The following SEMA3D variants were observed in gnomAD, a reference collection of about 807,000 sequenced individuals.
SEMA3D encodes the protein semaphorin 3D.
Under a neutral mutation model 100.1 loss-of-function variants are expected in SEMA3D, and 84 were observed. The observed-to-expected ratio is 0.84, with a 90% CI of 0.70 to 1.01. The LOEUF (loss-of-function observed/expected upper bound fraction) is 1.01. Ranked by LOEUF, SEMA3D falls within the 50% of genes least tolerant of loss-of-function variation. SEMA3D has a pLI of 0.00. For synonymous variants in SEMA3D, 312 were observed against 320.7 expected (o/e 0.97, Z 0.29); for missense variants, 875 against 934.1 (o/e 0.94, Z 0.82).
At chr7:85,091,698 C>T (rs112313338) in intron 4 of SEMA3D, among the ~76,000 whole-genome samples, 26 of 151,830 alleles carry the variant, frequency 1.7e-4, no homozygotes, top group African/African-American at 6.3e-4. Flanking sequence ...GTTTAGAAAC[C>T]GTGGGTCCTT....
intron 4 of SEMA3D, among the ~76,000 whole-genome samples, chr7:85,089,965 C>T (rs1562813493): frequency 6.6e-6 from 1 of 152,024 alleles, no homozygotes; most frequent in African/African-American, 2.4e-5. Context: ...ATATACCATA[C>T]AAATTAATAT....
intron 18 of SEMA3D, among the ~76,000 whole-genome samples, chr7:85,001,390 C>A (rs1789650579): frequency 6.6e-6 from 1 of 152,140 alleles, no homozygotes; most frequent in Non-Finnish European, 1.5e-5. Context: ...TATTGTAATA[C>A]AAACTAACTT....
At chr7:85,001,396 A>G (rs1789650744) in intron 18 of SEMA3D, among the ~76,000 whole-genome samples, 2 of 152,212 alleles carry the variant, frequency 1.3e-5, no homozygotes, top group African/African-American at 4.8e-5. Flanking sequence ...AATACAAACT[A>G]ACTTTGAATT....
At chr7:85,113,967 T>C (rs1233759507) in intron 3 of SEMA3D, among the ~76,000 whole-genome samples, 2 of 152,092 alleles carry the variant, frequency 1.3e-5, no homozygotes, top group Non-Finnish European at 2.9e-5. Flanking sequence ...TTAAAACCAA[T>C]ATTATTTTTT....
At chr7:85,000,674 A>G (rs1387611186) in intron 18 of SEMA3D, among the ~76,000 whole-genome samples, 5 of 152,226 alleles carry the variant, frequency 3.3e-5, no homozygotes, top group Non-Finnish European at 5.9e-5. Flanking sequence ...GAGAAAGCAC[A>G]ATGAACACAA....
At chr7:85,205,290 T>C in the SEMA3D span, among the ~76,000 whole-genome samples, 7 of 152,224 alleles carry the variant, frequency 4.6e-5, no homozygotes, top group African/African-American at 2.4e-5. Context: ...CATTTGTCTA[T>C]TTCAAAATTG....
At chr7:85,190,722 T>G (rs1447537449), upstream of SEMA3D, among the ~76,000 whole-genome samples, 1 of 152,174 alleles carries the variant, frequency 6.6e-6, no homozygotes, top group African/African-American at 2.4e-5. Flanking sequence ...AATGCATCCC[T>G]GCTTCTCATC....
At chr7:85,144,560 C>T (rs1453168204) in intron 2 of SEMA3D, 4 of 985,052 alleles carry the variant, frequency 4.1e-6, no homozygotes, top group Non-Finnish European at 4.8e-6. Flanking sequence ...ACAATTCTCA[C>T]AACCATCAGG....
chr7:85,103,325 A>C (rs1318346441), intron 3 of SEMA3D, among the ~76,000 whole-genome samples: 1 of 152,104 alleles, frequency 6.6e-6, no homozygotes, highest in Non-Finnish European at 1.5e-5. Context: ...AAGTTGAATA[A>C]TAATAATTTG....
At chr7:85,133,661 T>A (rs1789786287) in intron 2 of SEMA3D, among the ~76,000 whole-genome samples, 1 of 152,036 alleles carries the variant, frequency 6.6e-6, no homozygotes, top group Non-Finnish European at 1.5e-5. Flanking sequence ...AGTCTCTGGC[T>A]ATAAGATGGT....
rs978496564 is a variant in SEMA3D, at chr7:85,071,049, G to A, written c.495+1913C>T. Reference sequence around the variant, plus strand: ...CCCACCTCAGCCTCCCAAAGTGTGAGCCACTGCGTCCGGCCAGCACTTGTG... The same window carrying A: ...CCCACCTCAGCCTCCCAAAGTGTGAACCACTGCGTCCGGCCAGCACTTGTG... On this transcript the variant is annotated intron_variant, in intron 6 of 18. Coordinates refer to ENST00000284136, the MANE Select transcript of SEMA3D (RefSeq NM_001384900.1). Among the ~76,000 whole-genome samples, 4 of 152,128 alleles carry A rather than the reference G, an allele frequency of 2.6e-5. No homozygotes were observed. In the East Asian group the frequency reaches 7.7e-4, roughly 29 times the overall value.
chr7:85,240,757 G>A, the SEMA3D span, among the ~76,000 whole-genome samples: 1 of 152,234 alleles, frequency 6.6e-6, no homozygotes, highest in African/African-American at 2.4e-5. Context: ...ATTTCACCCA[G>A]TCTATCAAAT....
chr7:85,045,567 T>C (rs758089019), intron 9 of SEMA3D, among the ~76,000 whole-genome samples: 2 of 151,940 alleles, frequency 1.3e-5, no homozygotes, highest in Non-Finnish European at 2.9e-5. Context: ...TGATTTCAGA[T>C]GTCTGCAGAT....
chr7:85,030,517 T>C (rs183525895), intron 12 of SEMA3D, among the ~76,000 whole-genome samples: 3 of 152,158 alleles, frequency 2.0e-5, no homozygotes, highest in Admixed American at 6.6e-5. Context: ...ATCAGACATT[T>C]AGTAGTTATT....
chr7:85,097,732 GCAAAA>G (rs1788604971), intron 4 of SEMA3D, 68 bp downstream of exon 4: 3 of 1,006,350 alleles, frequency 3.0e-6, no homozygotes, highest in Non-Finnish European at 2.9e-6. Context: ...TTAAAACAAA[GCAAAA>G]CAAAACGGGA....
rs144449370 is a variant in SEMA3D, at chr7:85,036,342, C to T, written c.1191+547G>A. Among the ~76,000 whole-genome samples the T allele has an allele frequency of 5.2e-3, 784 of 152,036 alleles. 6 individuals carry two copies. The highest frequency in any genetic ancestry group is 0.018 in the African/African-American group (737 of 41,500). ...CATCATTTGTGCTTTAAACATGATT[C>T]ATACTATTTGAAAAAAATTTTTGAC... On this transcript the variant is annotated intron_variant, in intron 12 of 18. Transcript: ENST00000284136.
At chr7:85,097,246 G>A (rs1739716658) in intron 4 of SEMA3D, among the ~76,000 whole-genome samples, 1 of 151,762 alleles carries the variant, frequency 6.6e-6, no homozygotes, top group Non-Finnish European at 1.5e-5. Context: ...TTGTCATGGT[G>A]AGATTGTCTT....
At chr7:85,056,260 T>G (rs1040458299) in intron 8 of SEMA3D, among the ~76,000 whole-genome samples, 1 of 152,076 alleles carries the variant, frequency 6.6e-6, no homozygotes, top group African/African-American at 2.4e-5. Flanking sequence ...ATTAATACTT[T>G]GATGAATTTT....
At chr7:85,001,276 A>G (rs773153807) in intron 18 of SEMA3D, among the ~76,000 whole-genome samples, 1 of 152,144 alleles carries the variant, frequency 6.6e-6, no homozygotes, top group Non-Finnish European at 1.5e-5. Flanking sequence ...CCACACCATC[A>G]GAGTTTTGTT....
Sources: allele counts gnomAD v4.1 joint callset (sites outside exome capture counted in the v4.1 genomes callset), GRCh38; gene constraint gnomAD v4.1.1; transcripts MANE v1.5; gene names NCBI Gene and HGNC (gene_info 2026-07-23, HGNC 2026-07-21).